Variants in BTBD2 observed in about 807,000 individuals in gnomAD.
The protein encoded by BTBD2 is BTB/POZ domain-containing protein 2.
In BTBD2, 15 loss-of-function variants were observed where a neutral mutation model predicts 44.0. The ratio of observed to expected loss-of-function variants is 0.34; its 90% CI spans 0.23 to 0.53. The LOEUF (loss-of-function observed/expected upper bound fraction) is 0.53, where lower values mean the gene tolerates loss of function less well. BTBD2 is among the 20% of genes least tolerant of loss of function. The pLI, the probability that BTBD2 is intolerant of heterozygous loss-of-function variation, is 0.95. For missense variants in BTBD2, 657 were observed against 746.4 expected (o/e 0.88, Z 1.39); for synonymous variants, 443 against 335.9 (o/e 1.32, Z -3.49).
At position 1,986,246 on chromosome 19, in the gene BTBD2, A is replaced by C; in HGVS notation, c.*242T>G. 2 of 551,204 alleles carry C rather than the reference A, an allele frequency of 3.6e-6. No homozygotes were observed. Among genetic ancestry groups the C allele is most frequent in the East Asian group, 3.1e-5 (1 of 32,268 alleles). The allele number at this position is 551,204 out of a possible 1,614,324, so 34.1% of individuals were successfully genotyped here. A position where few individuals can be genotyped will look rare whatever the true frequency, so the allele number is the denominator to read the frequency against. ...ACAGCCCTGTCCCTAGTCCTGAGGG[A>C]TTGTCTCCACAGGGCCTGGCCACTG... On this transcript the variant is annotated 3_prime_UTR_variant, in exon 9 of 9. Coordinates refer to ENST00000255608, the MANE Select transcript of BTBD2 (RefSeq NM_017797.4).
intron 5 of BTBD2, 110 bp from the exon 6 acceptor site, chr19:1,987,802 G>A (rs1243301826): frequency 1.7e-6 from 2 of 1,166,724 alleles, no homozygotes; most frequent in Non-Finnish European, 2.4e-6. Context: ...CTTTCAAGGT[G>A]CAGGGACCTG....
chr19:1,997,601 T>C lies in BTBD2; in HGVS notation c.408-138A>G, dbSNP rs548100481. 7 of 1,294,650 alleles carry C rather than the reference T, an allele frequency of 5.4e-6. No individual in the cohort carries two copies. In the Admixed American group the frequency reaches 6.9e-5, roughly 13 times the overall value. The allele number at this position is 1,294,650 out of a possible 1,614,324, so 80.2% of individuals were successfully genotyped here. ...AGCAGGCATGTACCAGGCCCCCCGA[T>C]GGCAGAGGCTTCTGGAAGGGGCCTG... is the stretch of plus-strand genomic sequence containing the variant. On this transcript the variant is annotated intron_variant, in intron 1 of 8. Transcript: ENST00000255608.
intron 1 of BTBD2, among the ~76,000 whole-genome samples, chr19:2,006,919 G>A (rs577233239): frequency 1.3e-5 from 2 of 151,932 alleles, no homozygotes; most frequent in Admixed American, 6.6e-5. Flanking sequence ...GTGCAGTGAC[G>A]CGATCTCGGC....
chr19:1,987,687 C>T lies in BTBD2; in HGVS notation c.994G>A (p.Ala332Thr), dbSNP rs140547106. The T allele has an allele frequency of 6.9e-6, 11 of 1,594,854 alleles. No individual in the cohort carries two copies. Among genetic ancestry groups the T allele is most frequent in the African/African-American group, 2.7e-5 (2 of 74,702 alleles). ...CGGTCCACCAGGATGCCCGACTGTG[C>T]GGGACCTGCAGCACAGGGAGGGTGT... ...MTIEEFAAGP[A>T]QSGILVDREV... The change falls in exon 6 of 9, where the codon GCA (alanine) becomes ACA (threonine). Residue 332 changes from alanine (A) to threonine (T), a missense_variant. By Grantham distance (58) the Ala-to-Thr change is moderately conservative (BLOSUM62 0). Around this residue, in one of 3 missense-constraint regions of BTBD2, gnomAD observed 449 missense variants for 510.9 expected, o/e 0.88. Transcript: ENST00000255608.
chr19:1,990,301 T>G, intron 4 of BTBD2, 100 bp from the exon 5 acceptor site: 1 of 1,349,456 alleles, frequency 7.4e-7, no homozygotes, highest in Non-Finnish European at 1.0e-6. Context: ...AAAGCCGGGC[T>G]GGCAACTATG....
At position 1,990,077 on chromosome 19, in the gene BTBD2, G is replaced by A; in HGVS notation, c.915C>T (p.Asn305=). Reference sequence around the variant, plus strand: ...GGGCCTTGCCCAGAACCTTCCGCCTGTTCTCTGGCGTCACCTGCAGCTGCT... The same window carrying A: ...GGGCCTTGCCCAGAACCTTCCGCCTATTCTCTGGCGTCACCTGCAGCTGCT... ...QRQQLQVTPE[N]RRKVLGKALG... The change falls in exon 5 of 9, where the codon AAC becomes AAT. Residue 305 remains asparagine (N), a synonymous_variant. Transcript: ENST00000255608. 6.2e-7 allele frequency: 1 copy of A among 1,613,294 alleles called. No homozygotes were observed. Among genetic ancestry groups the A allele is most frequent in the Non-Finnish European group, 8.5e-7 (1 of 1,180,038 alleles).
At chr19:2,014,332 G>A (rs1290687467) in intron 1 of BTBD2, 1 of 152,268 alleles carries the variant, frequency 6.6e-6, no homozygotes, top group Admixed American at 6.6e-5. Flanking sequence ...TAGAAACAGT[G>A]GGTTGGGGTC....
Position 1,986,450 on chromosome 19 carries a change from A to T in BTBD2, c.*38T>A, listed in dbSNP as rs749452914. 1.9e-6 allele frequency: 3 copies of T among 1,606,566 alleles called. No homozygotes were observed. Among genetic ancestry groups the T allele is most frequent in the Non-Finnish European group, 2.6e-6 (3 of 1,174,476 alleles). On this transcript the variant is annotated 3_prime_UTR_variant, in exon 9 of 9. Coordinates refer to ENST00000255608, the MANE Select transcript of BTBD2 (RefSeq NM_017797.4). Reference sequence around the variant, plus strand: ...CAGATGATGGCCTGGGGCTGCGGCTATCCCCACGGAGGGAGGGCGGTGTCG... The same window carrying T: ...CAGATGATGGCCTGGGGCTGCGGCTTTCCCCACGGAGGGAGGGCGGTGTCG...
rs543463977 is a variant in BTBD2 at position 1,986,897 on chromosome 19, C to T, written c.1349G>A (p.Arg450His). 9.3e-6 allele frequency: 15 copies of T among 1,613,192 alleles called. No homozygotes were observed. Among genetic ancestry groups the T allele is most frequent in the Admixed American group, 6.7e-5 (4 of 60,008 alleles). Residue 450 changes from arginine (R) to histidine (H), a missense_variant, in exon 8 of 9, where the codon CGC becomes CAC. Arg to His is a conservative substitution (Grantham distance 29). This residue lies in a region of BTBD2 where 449 missense variants were observed against 510.9 expected (regional missense o/e 0.88). Transcript: ENST00000255608. The stretch of plus-strand genomic sequence containing the variant: ...CTCCACCGGCTCCTTGAACATGACG[C>T]GGAAGGTGCTGGCTGAGCCGTCGCA... ...FSCDGSASTF[R>H]VMFKEPVEVL...
At chr19:2,012,183 C>T (rs2016474241) in intron 1 of BTBD2, among the ~76,000 whole-genome samples, 1 of 132,568 alleles carries the variant, frequency 7.5e-6, no homozygotes, top group African/African-American at 3.1e-5. Flanking sequence ...GATGGTGTGT[C>T]ACTGTGTCGC....
intron 1 of BTBD2, among the ~76,000 whole-genome samples, chr19:2,005,112 G>A (rs1265825365): frequency 3.9e-5 from 6 of 152,028 alleles, no homozygotes; most frequent in Non-Finnish European, 5.9e-5. Flanking sequence ...GAGCCACTGC[G>A]CCCAGCCAGG....
intron 1 of BTBD2, chr19:2,014,566 C>G: frequency 7.7e-6 from 1 of 129,464 alleles, no homozygotes; most frequent in Non-Finnish European, 1.6e-5. Flanking sequence ...ACCTGGGGTG[C>G]AGGGAGGGGT....
chr19:2,004,489 G>A lies in BTBD2; in HGVS notation c.408-7026C>T, dbSNP rs555307462. 1.4e-3 allele frequency among the ~76,000 whole-genome samples: 220 copies of A among 151,778 alleles called. 1 individual carries two copies. The highest frequency in any genetic ancestry group is 5.2e-3 in the African/African-American group (215 of 41,422). ...ATTCTGCATTTTTAGTAGAGACGGG[G>A]TTTCTCCATGTTGTTCAGGCTGGTC... On this transcript the variant is annotated intron_variant, in intron 1 of 8. Coordinates refer to ENST00000255608, the MANE Select transcript of BTBD2 (RefSeq NM_017797.4).
intron 1 of BTBD2, among the ~76,000 whole-genome samples, chr19:2,003,895 T>G (rs1282743185): frequency 1.3e-5 from 2 of 151,962 alleles, no homozygotes; most frequent in Non-Finnish European, 2.9e-5. Context: ...CCTTCTGTTC[T>G]ATTCCTTAAA....
intron 1 of BTBD2, among the ~76,000 whole-genome samples, chr19:2,008,124 C>T (rs530736434): frequency 2.0e-5 from 3 of 152,076 alleles, no homozygotes; most frequent in Admixed American, 6.6e-5. Context: ...CCTGCCTCAA[C>T]CTCCCGAGTA....
chr19:2,008,708 G>A (rs1002370414), intron 1 of BTBD2, among the ~76,000 whole-genome samples: 2 of 148,650 alleles, frequency 1.3e-5, no homozygotes, highest in East Asian at 2.0e-4. Flanking sequence ...CCTCCTACCC[G>A]AGCCTCCTGA....
At chr19:2,013,516 G>A in intron 1 of BTBD2, 1 of 986,346 alleles carries the variant, frequency 1.0e-6, no homozygotes, top group Non-Finnish European at 1.2e-6. Context: ...AGGATGGGGT[G>A]CAGGGGGTAG....
chr19:1,992,150 T>G (rs2016188882), intron 3 of BTBD2: 1 of 152,112 alleles, frequency 6.6e-6, no homozygotes, highest in Non-Finnish European at 1.5e-5. Context: ...TGGAGTGCAG[T>G]GGCGCCATCT....
At chr19:2,007,631 C>A (rs1568222296) in intron 1 of BTBD2, among the ~76,000 whole-genome samples, 2 of 152,042 alleles carry the variant, frequency 1.3e-5, no homozygotes, top group Non-Finnish European at 1.5e-5. Context: ...GAGTTTGAGA[C>A]CAGCCCGGCC....
Sources: gnomAD v4.1 joint callset for allele counts (sites outside exome capture counted in the v4.1 genomes callset) on GRCh38, gnomAD v4.1.1 for gene constraint, gnomAD v4.1.1 regional missense constraint, MANE v1.5 for transcripts, NCBI Gene and HGNC (gene_info 2026-07-23, HGNC 2026-07-21) for gene names.